The following PHACTR2 variants were observed in gnomAD, a reference collection of about 807,000 sequenced individuals.
PHACTR2 encodes phosphatase and actin regulator 2.
In PHACTR2, 30 loss-of-function variants were observed where a neutral mutation model predicts 76.0. That is an observed-to-expected ratio of 0.39 (90% CI 0.30 to 0.54). The LOEUF is 0.54. Ranked by LOEUF, PHACTR2 falls within the 20% of genes least tolerant of loss-of-function variation. The pLI is 0.61. For missense variants in PHACTR2, 696 were observed against 781.1 expected, an observed-to-expected ratio of 0.89 and a Z score of 1.30; for synonymous variants, 292 against 292.5, an observed-to-expected ratio of 1.00 and a Z score of 0.02.
At chr6:143,745,549 C>G (rs1338293352) in intron 2 of PHACTR2, among the ~76,000 whole-genome samples, 2 of 152,222 alleles carry the variant, frequency 1.3e-5, no homozygotes, top group African/African-American at 4.8e-5. Flanking sequence ...ATGCAAACCC[C>G]CTCTGAGCCC....
intron 1 of PHACTR2, among the ~76,000 whole-genome samples, chr6:143,568,303 C>A (rs1349406634): frequency 1.3e-5 from 2 of 152,180 alleles, no homozygotes; most frequent in Non-Finnish European, 2.9e-5. Context: ...AGGACTGTTA[C>A]AGAGATGAGA....
chr6:143,702,262 G>A (rs557781620), intron 1 of PHACTR2, among the ~76,000 whole-genome samples: 5 of 150,510 alleles, frequency 3.3e-5, no homozygotes, highest in South Asian at 2.1e-4. Context: ...TGCGCACCAC[G>A]ACAGCTAGCT....
chr6:143,540,869 A>G (rs1387981908), intron 1 of PHACTR2, among the ~76,000 whole-genome samples: 1 of 152,272 alleles, frequency 6.6e-6, no homozygotes, highest in Non-Finnish European at 1.5e-5. Flanking sequence ...TCATTTTGCC[A>G]TATGGTTTTT....
chr6:143,556,390 T>A lies in PHACTR2; in HGVS notation c.217+19183T>A, dbSNP rs554221851. Among the ~76,000 whole-genome samples the A allele has an allele frequency of 2.3e-3, 352 of 152,238 alleles. 1 individual carries two copies. Among genetic ancestry groups the A allele is most frequent in the Middle Eastern group, 0.01 (3 of 294 alleles). ...GGAGGGAGGTGAGGAATACAGGAAG[T>A]AGTGCATTTTACTAAATGGAGAAAA... On this transcript the variant is annotated intron_variant, in intron 1 of 11. Coordinates refer to the PHACTR2 transcript ENST00000367584. This position sits in a 1 kb window ranked among gnomAD's most constrained non-coding sequence, Gnocchi z 4.3.
At chr6:143,817,067 C>T (rs968180807) in intron 12 of PHACTR2, among the ~76,000 whole-genome samples, 2 of 150,412 alleles carry the variant, frequency 1.3e-5, no homozygotes, top group African/African-American at 4.9e-5. Context: ...CGGTGTCCCC[C>T]CCACCCCCCA....
chr6:143,629,538 G>C (rs1776324311), intron 1 of PHACTR2, among the ~76,000 whole-genome samples: 1 of 152,118 alleles, frequency 6.6e-6, no homozygotes, highest in South Asian at 2.1e-4. Context: ...TATTGCGATG[G>C]AAGCTCATAC....
rs2128458276 is a variant in PHACTR2, at chr6:143,700,525, A to G, written c.47-11491A>G. 6.6e-6 allele frequency among the ~76,000 whole-genome samples: 1 copy of G among 152,334 alleles called. No individual in the cohort carries two copies. The highest frequency in any genetic ancestry group is 2.1e-4 in the South Asian group (1 of 4,828). Reference sequence around the variant, plus strand: ...AGCTGAGATCTCACCACTGCACTCCATCTGGGTGACAGAACGAGACTCCAT... The same window carrying G: ...AGCTGAGATCTCACCACTGCACTCCGTCTGGGTGACAGAACGAGACTCCAT... On this transcript the variant is annotated intron_variant, in intron 1 of 12. Transcript: ENST00000440869. The surrounding 1 kb of genome is among the most constrained non-coding windows in gnomAD (Gnocchi z 4.1).
chr6:143,806,583 C>G lies in PHACTR2; in HGVS notation c.1846-474C>G, dbSNP rs187216186. 7.6e-4 allele frequency among the ~76,000 whole-genome samples: 115 copies of G among 152,316 alleles called. No individual in the cohort carries two copies. The highest frequency in any genetic ancestry group is 2.7e-3 in the African/African-American group (114 of 41,560). On this transcript the variant is annotated intron_variant, in intron 11 of 12. Transcript: ENST00000440869. The surrounding 1 kb of genome is among the most constrained non-coding windows in gnomAD (Gnocchi z 5.8). ...TAGCAAAGGCCCGCTCCCACTCCCT[C>G]TTGCCAATGGCACTTGAAGGAAGTC...
chr6:143,747,399 G>A (rs1289133462), intron 2 of PHACTR2, among the ~76,000 whole-genome samples: 1 of 152,196 alleles, frequency 6.6e-6, no homozygotes, highest in Non-Finnish European at 1.5e-5. Flanking sequence ...TGCCCAGGGC[G>A]CATCCTCCCA....
In PHACTR2 at chr6:143,553,962, G is replaced by A. The variant is rs1313688046; in HGVS notation, c.217+16755G>A. Reference sequence around the variant, plus strand: ...GGCAGAGAGAAGAGCAAGGGCAAAGGCCCCAAGGAACAGAAAAGAATCCCG... The same window carrying A: ...GGCAGAGAGAAGAGCAAGGGCAAAGACCCCAAGGAACAGAAAAGAATCCCG... On this transcript the variant is annotated intron_variant, in intron 1 of 11. Coordinates refer to the PHACTR2 transcript ENST00000367584. This position sits in a 1 kb window ranked among gnomAD's most constrained non-coding sequence, Gnocchi z 4.2. 6.6e-6 allele frequency among the ~76,000 whole-genome samples: 1 copy of A among 152,084 alleles called. No homozygotes were observed. The highest frequency in any genetic ancestry group is 2.1e-4 in the South Asian group (1 of 4,818).
intron 2 of PHACTR2, among the ~76,000 whole-genome samples, chr6:143,747,148 G>C (rs557640932): frequency 6.6e-6 from 1 of 152,294 alleles, no homozygotes; most frequent in Non-Finnish European, 1.5e-5. Context: ...AGTCAAGTCA[G>C]GTTTTAGAGA....
chr6:143,653,293 A>G lies in PHACTR2; in HGVS notation c.13+44971A>G, dbSNP rs1266853245. 6.6e-6 allele frequency among the ~76,000 whole-genome samples: 1 copy of G among 152,202 alleles called. No individual in the cohort carries two copies. The highest frequency in any genetic ancestry group is 2.4e-5 in the African/African-American group (1 of 41,450). On this transcript the variant is annotated intron_variant, in intron 1 of 11. Transcript: ENST00000305766. The surrounding 1 kb of genome is among the most constrained non-coding windows in gnomAD (Gnocchi z 4.9). ...CATGACTTGGTTTTTCCACTCTTGT[A>G]AAATGAAGGCTGCTCTGACTCCTGC...
rs941669165 is a variant in PHACTR2, at chr6:143,780,595, A to T, written c.1646-2624A>T. ...ATACTCCAATTGCTGGTATTTTTAT[A>T]CTTTTCTTTCTTCTTTTAGCTCATC... On this transcript the variant is annotated intron_variant, in intron 9 of 12. Coordinates refer to ENST00000440869, the MANE Select transcript of PHACTR2 (RefSeq NM_001100164.2). This position sits in a 1 kb window ranked among gnomAD's most constrained non-coding sequence, Gnocchi z 4.4. Among the ~76,000 whole-genome samples, 40 of 152,338 alleles carry T rather than the reference A, an allele frequency of 2.6e-4. No homozygotes were observed. The highest frequency in any genetic ancestry group is 5.6e-4 in the Non-Finnish European group (38 of 68,016).
chr6:143,803,317 G>A lies in PHACTR2; in HGVS notation c.1846-3740G>A, dbSNP rs1284483283. Among the ~76,000 whole-genome samples the A allele has an allele frequency of 1.3e-5, 2 of 152,236 alleles. No individual in the cohort carries two copies. Among genetic ancestry groups the A allele is most frequent in the Non-Finnish European group, 2.9e-5 (2 of 68,038 alleles). On this transcript the variant is annotated intron_variant, in intron 11 of 12. Coordinates refer to ENST00000440869, the MANE Select transcript of PHACTR2 (RefSeq NM_001100164.2). This position sits in a 1 kb window ranked among gnomAD's most constrained non-coding sequence, Gnocchi z 4.7. ...AGTTCCAGCACTTTGGGAGGCCGAA[G>A]TGGGGAGATTGCTTGAGCCTAGGAG...
In PHACTR2 at chr6:143,751,732, G is replaced by T. The variant is rs1174365773; in HGVS notation, c.296-2022G>T. ...GATGTGTTGACTTGGGCCGCTTATT[G>T]TCACCTGCCATCCAGCTCAGCATCT... On this transcript the variant is annotated intron_variant, in intron 3 of 12. Coordinates refer to ENST00000440869, the MANE Select transcript of PHACTR2 (RefSeq NM_001100164.2). The surrounding 1 kb of genome is among the most constrained non-coding windows in gnomAD (Gnocchi z 5.7). Among the ~76,000 whole-genome samples the T allele has an allele frequency of 1.3e-5, 2 of 149,888 alleles. No homozygotes were observed. Among genetic ancestry groups the T allele is most frequent in the East Asian group, 3.9e-4 (2 of 5,066 alleles).
At chr6:143,799,944 T>A (rs1415147199) in intron 11 of PHACTR2, among the ~76,000 whole-genome samples, 1 of 152,224 alleles carries the variant, frequency 6.6e-6, no homozygotes, top group African/African-American at 2.4e-5. Context: ...CTTGTTAATT[T>A]TCTGTCTTAT....
rs1432943976 is a variant in PHACTR2, at chr6:143,543,168, G to C, written c.217+5961G>C. ...AAATAACATGATGATGATGATGACT[G>C]TTCTTGTTTTCAGAGGATGCATGAA... is the stretch of plus-strand genomic sequence containing the variant. On this transcript the variant is annotated intron_variant, in intron 1 of 11. Transcript: ENST00000367584. This position sits in a 1 kb window ranked among gnomAD's most constrained non-coding sequence, Gnocchi z 4.7. Among the ~76,000 whole-genome samples the C allele has an allele frequency of 6.6e-6, 1 of 152,224 alleles. No homozygotes were observed. Among genetic ancestry groups the C allele is most frequent in the Non-Finnish European group, 1.5e-5 (1 of 68,036 alleles).
rs1182474560 is a variant in PHACTR2, at chr6:143,820,622, C to T, written c.1923-3052C>T. ...GGATTTGCAAGGTGCAGCCCCCAGG[C>T]TGATCTCACAGGCTGGCGTTGAATG... On this transcript the variant is annotated intron_variant, in intron 12 of 12. Transcript: ENST00000440869. The surrounding 1 kb of genome is among the most constrained non-coding windows in gnomAD (Gnocchi z 4.2). 1.3e-5 allele frequency among the ~76,000 whole-genome samples: 2 copies of T among 152,248 alleles called. No individual in the cohort carries two copies. Among genetic ancestry groups the T allele is most frequent in the Non-Finnish European group, 2.9e-5 (2 of 68,052 alleles).
chr6:143,772,123 C>T lies in PHACTR2; in HGVS notation c.1233-135C>T. ...TAAGGTTTCATTTCAGTGACTTTAG[C>T]CTGGCCTATGTCAAGTGTCTGCTTT... On this transcript the variant is annotated intron_variant, in intron 6 of 12. Coordinates refer to ENST00000440869, the MANE Select transcript of PHACTR2 (RefSeq NM_001100164.2). The surrounding 1 kb of genome is among the most constrained non-coding windows in gnomAD (Gnocchi z 5.4). The T allele has an allele frequency of 1.5e-6, 1 of 655,460 alleles. No homozygotes were observed. Among genetic ancestry groups the T allele is most frequent in the African/African-American group, 1.8e-5 (1 of 55,532 alleles). The allele number at this position is 655,460 out of a possible 1,614,324, so 40.6% of individuals were successfully genotyped here.
Sources: gnomAD v4.1 joint callset for allele counts (sites outside exome capture counted in the v4.1 genomes callset) on GRCh38, gnomAD v4.1.1 for gene constraint, Gnocchi (gnomAD v3.1) non-coding constraint, MANE v1.5 for transcripts, NCBI Gene and HGNC (gene_info 2026-07-23, HGNC 2026-07-21) for gene names.